The following CDH5 variants were observed in gnomAD, a reference collection of about 807,000 sequenced individuals.
CDH5 encodes cadherin 5, also known as cadherin-5.
Under a neutral mutation model 62.0 loss-of-function variants are expected in CDH5, and 28 were observed. The observed-to-expected ratio is 0.45, with a 90% CI of 0.33 to 0.62. The LOEUF is 0.62. Among genes scored for constraint, CDH5 ranks in the 20% least tolerant of loss-of-function variants. The pLI is 0.02. For missense variants in CDH5, 940 were observed against 1,065.1 expected, an observed-to-expected ratio of 0.88 and a Z score of 1.63; for synonymous variants, 464 against 445.8, an observed-to-expected ratio of 1.04 and a Z score of -0.52.
At chr16:66,389,552 G>C (rs775037310) in intron 5 of CDH5, 30 bp downstream of exon 5, 24 of 1,519,968 alleles carry the variant, frequency 1.6e-5, no homozygotes, top group South Asian at 3.9e-5. Flanking sequence ...CCCTGGGAAG[G>C]GGGGCTGGGA....
Position 66,400,958 on chromosome 16 carries a change from G to C in CDH5, c.1779G>C (p.Gln593His), listed in dbSNP as rs776655400. 6.2e-7 allele frequency: 1 copy of C among 1,614,172 alleles called. No individual in the cohort carries two copies. The change falls in exon 11 of 12, where the codon CAG becomes CAC. Residue 593 changes from glutamine (Q) to histidine (H), a missense_variant. Gln to His is a conservative substitution (Grantham distance 24). Transcript: ENST00000341529. ...CCTTCTGCGAGGATATGGCCGCCCA[G>C]GTGGGCGTGAGCATCCAGGCAGTGG... Reference protein sequence around the residue: ...EFTFCEDMAAQVGVSIQAVVA... With the variant: ...EFTFCEDMAAHVGVSIQAVVA...
intron 8 of CDH5, among the ~76,000 whole-genome samples, chr16:66,396,949 C>G (rs1159350252): frequency 6.6e-6 from 1 of 152,182 alleles, no homozygotes. Flanking sequence ...CCAGATCAGT[C>G]TTTGCTTCTT....
intron 1 of CDH5, among the ~76,000 whole-genome samples, chr16:66,375,506 G>A (rs941196155): frequency 2.6e-5 from 4 of 151,836 alleles, no homozygotes; most frequent in South Asian, 2.1e-4. Flanking sequence ...CAGCCTGGGC[G>A]ACAGAGGGAG....
At chr16:66,381,751 A>G (rs2142319357) in intron 2 of CDH5, among the ~76,000 whole-genome samples, 1 of 152,274 alleles carries the variant, frequency 6.6e-6, no homozygotes, top group Non-Finnish European at 1.5e-5. Flanking sequence ...GGCCCAATCC[A>G]GCCCACTGCC....
At position 66,398,181 on chromosome 16, in the gene CDH5, G is replaced by T. The variant is rs1463370895; in HGVS notation, c.1485+75G>T. On this transcript the variant is annotated intron_variant, in intron 9 of 11. Transcript: ENST00000341529. Reference sequence around the variant, plus strand: ...CTGGGGGGCAGAACTGCTCAACAGAGTCAGCAGGAGTTCCCCTGTACAATA... The same window carrying T: ...CTGGGGGGCAGAACTGCTCAACAGATTCAGCAGGAGTTCCCCTGTACAATA... 6 of 1,534,384 alleles carry T rather than the reference G, an allele frequency of 3.9e-6. No homozygotes were observed. The South Asian group carries it at 4.5e-5, about 11-fold the overall frequency.
intron 2 of CDH5, among the ~76,000 whole-genome samples, chr16:66,386,266 C>CTT (rs1288866509): frequency 7.1e-6 from 1 of 141,306 alleles, no homozygotes; most frequent in African/African-American, 2.6e-5. Context: ...GTCAGAGGTT[C>CTT]TTTTTTTTTT....
At chr16:66,373,387 GCCC>G (rs1202062135) in intron 1 of CDH5, among the ~76,000 whole-genome samples, 1 of 150,536 alleles carries the variant, frequency 6.6e-6, no homozygotes, top group Admixed American at 6.7e-5. Context: ...CTTCCCTGCA[GCCC>G]CCATTTTGGT....
chr16:66,403,145 C>G lies in CDH5; in HGVS notation c.2331C>G (p.Asp777Glu). 1 of 1,612,054 alleles carries G rather than the reference C, an allele frequency of 6.2e-7. No homozygotes were observed. Among genetic ancestry groups the G allele is most frequent in the Non-Finnish European group, 8.5e-7 (1 of 1,179,532 alleles). ...FKMLAELYGS[D>E]PREELLY ...TGCTGGCTGAGCTGTACGGCTCGGA[C>G]CCCCGGGAGGAGCTGCTGTATTAGG... Residue 777 changes from aspartate (D) to glutamate (E), a missense_variant, in exon 12 of 12, where the codon GAC becomes GAG. Physicochemically the swap from Asp to Glu is conservative, Grantham distance 45. Transcript: ENST00000341529. The surrounding 1 kb of genome is among the most constrained non-coding windows in gnomAD (Gnocchi z 4.3).
intron 7 of CDH5, chr16:66,395,503 C>CTTTTTTTTTTTTTTTTTTTTTTTTT (rs56675642): frequency 4.7e-3 from 383 of 80,810 alleles, no homozygotes; most frequent in Middle Eastern, 0.026. Flanking sequence ...CTTTTCTTTT[C>CTTTTTTTTTTTTTTTTTTTTTTTTT]TTTTTTTTTT....
intron 2 of CDH5, among the ~76,000 whole-genome samples, chr16:66,383,267 T>C (rs1960928346): frequency 6.6e-6 from 1 of 152,038 alleles, no homozygotes; most frequent in Non-Finnish European, 1.5e-5. Context: ...CTCTGGTAAA[T>C]AATAATGCAT....
At chr16:66,395,071 C>T (rs551711621) in intron 7 of CDH5, among the ~76,000 whole-genome samples, 192 of 38,592 alleles carry the variant, frequency 5.0e-3, no homozygotes, top group African/African-American at 0.015. Flanking sequence ...TTTGGTGAGA[C>T]AGGGTCTCAC....
intron 1 of CDH5, among the ~76,000 whole-genome samples, chr16:66,367,044 C>A (rs1235682079): frequency 6.6e-6 from 1 of 152,238 alleles, no homozygotes; most frequent in Non-Finnish European, 1.5e-5. Flanking sequence ...GGCCCACTGG[C>A]CTTCATCAGT....
chr16:66,372,132 C>A (rs1960702938), intron 1 of CDH5, among the ~76,000 whole-genome samples: 1 of 152,210 alleles, frequency 6.6e-6, no homozygotes, highest in South Asian at 2.1e-4. Context: ...GACTGTGGTC[C>A]TCAGACCCAT....
chr16:66,402,722 G>T lies in CDH5; in HGVS notation c.1908G>T (p.Pro636=), dbSNP rs758076739. 1 of 1,609,688 alleles carries T rather than the reference G, an allele frequency of 6.2e-7. No homozygotes were observed. Among genetic ancestry groups the T allele is most frequent in the East Asian group, 2.2e-5 (1 of 44,738 alleles). The change falls in exon 12 of 12, where the codon CCG becomes CCT. Residue 636 remains proline, a synonymous_variant. Coordinates refer to ENST00000341529, the MANE Select transcript of CDH5 (RefSeq NM_001795.5). ...CCCGCGCGCACGGCAAGAGCGTGCC[G>T]GAGATCCACGAGCAGCTGGTCACCT... The part of the protein sequence containing the change: ...KQARAHGKSV[P]EIHEQLVTYD...
At chr16:66,381,745 C>A (rs1960902846) in intron 2 of CDH5, among the ~76,000 whole-genome samples, 1 of 152,168 alleles carries the variant, frequency 6.6e-6, no homozygotes, top group South Asian at 2.1e-4. Flanking sequence ...CCTGCGGGCC[C>A]AATCCAGCCC....
At position 66,402,814 on chromosome 16, in the gene CDH5, G is replaced by A. The variant is rs369940653; in HGVS notation, c.2000G>A (p.Arg667His). The A allele has an allele frequency of 6.7e-5, 107 of 1,598,928 alleles. No homozygotes were observed. Among genetic ancestry groups the A allele is most frequent in the African/African-American group, 2.0e-4 (15 of 74,858 alleles). Residue 667 changes from arginine (R) to histidine (H), a missense_variant, in exon 12 of 12, where the codon CGC becomes CAC. Transcript: ENST00000341529. Reference protein sequence around the residue: ...SYDVSVLNSVRRGGAKPPRPA... With the variant: ...SYDVSVLNSVHRGGAKPPRPA... Reference sequence around the variant, plus strand: ...GATGTGTCGGTGCTCAACTCGGTGCGCCGCGGCGGGGCCAAGCCCCCGCGG... The same window carrying A: ...GATGTGTCGGTGCTCAACTCGGTGCACCGCGGCGGGGCCAAGCCCCCGCGG...
intron 1 of CDH5, among the ~76,000 whole-genome samples, chr16:66,377,941 C>T (rs1960814732): frequency 6.6e-6 from 1 of 152,198 alleles, no homozygotes; most frequent in African/African-American, 2.4e-5. Flanking sequence ...TGCAACTGTA[C>T]AGGGCTTGCA....
intron 6 of CDH5, among the ~76,000 whole-genome samples, chr16:66,390,971 C>A (rs1961074361): frequency 6.6e-6 from 1 of 152,216 alleles, no homozygotes; most frequent in African/African-American, 2.4e-5. Flanking sequence ...CTCTCTGGCA[C>A]TTTCTGGCCT....
chr16:66,379,923 AGGTGTTGGT>A (rs1960861479), intron 2 of CDH5, among the ~76,000 whole-genome samples: 2 of 129,914 alleles, frequency 1.5e-5, no homozygotes, highest in Admixed American at 7.8e-5. Context: ...ATAAAGGGGT[AGGTGTTGGT>A]GGTGATCACG....
Sources: gnomAD v4.1 joint callset for allele counts (sites outside exome capture counted in the v4.1 genomes callset) on GRCh38, gnomAD v4.1.1 for gene constraint, Gnocchi (gnomAD v3.1) non-coding constraint, MANE v1.5 for transcripts, NCBI Gene and HGNC (gene_info 2026-07-23, HGNC 2026-07-21) for gene names.